Variants in ADGRV1 observed in about 807,000 individuals in gnomAD.
ADGRV1 encodes G-protein coupled receptor 98.
ADGRV1 carries 359 observed loss-of-function variants against 596.2 expected under a neutral mutation model. The observed-to-expected ratio is 0.60, with a 90% CI of 0.55 to 0.66. The LOEUF (loss-of-function observed/expected upper bound fraction) is 0.66. Among genes scored for constraint, ADGRV1 ranks in the 30% least tolerant of loss-of-function variants. ADGRV1 has a pLI of 0.00. For synonymous variants in ADGRV1, 2,681 were observed against 2,679.2 expected (o/e 1.00, Z -0.02); for missense variants, 7,274 against 7,575.6 (o/e 0.96, Z 1.48).
intron 34 of ADGRV1, among the ~76,000 whole-genome samples, chr5:90,702,944 G>T (rs1172731280): frequency 2.6e-5 from 4 of 151,934 alleles, no homozygotes; most frequent in African/African-American, 7.2e-5. Context: ...AAGTCATATG[G>T]CCATTAGCAC....
intron 4 of ADGRV1, among the ~76,000 whole-genome samples, chr5:90,621,866 C>T (rs1176234480): frequency 6.6e-6 from 1 of 152,100 alleles, no homozygotes; most frequent in Non-Finnish European, 1.5e-5. Flanking sequence ...TTACTGTGCC[C>T]TCAGTATATG....
intron 29 of ADGRV1, among the ~76,000 whole-genome samples, chr5:90,688,659 A>G (rs1746030572): frequency 1.3e-5 from 2 of 152,210 alleles, no homozygotes; most frequent in South Asian, 4.1e-4. Context: ...CTGAGCTTGT[A>G]GACTTTGCAA....
rs541049719 is a variant in ADGRV1, at chr5:91,064,402, G to T, written c.18153-8045G>T. Among the ~76,000 whole-genome samples, 4 of 152,254 alleles carry T rather than the reference G, an allele frequency of 2.6e-5. No homozygotes were observed. In the South Asian group the frequency reaches 6.2e-4, roughly 24 times the overall value. On this transcript the variant is annotated intron_variant, in intron 85 of 89. Transcript: ENST00000405460. Reference sequence around the variant, plus strand: ...CCCCATATATACATAACAATAATGGGTTCTAGTTATGTTTCAGTGGGATAA... The same window carrying T: ...CCCCATATATACATAACAATAATGGTTTCTAGTTATGTTTCAGTGGGATAA...
intron 86 of ADGRV1, among the ~76,000 whole-genome samples, chr5:91,095,012 A>G (rs918388894): frequency 6.6e-6 from 1 of 152,182 alleles, no homozygotes; most frequent in Non-Finnish European, 1.5e-5. Context: ...GACAGAGGCC[A>G]AAGGACCTAG....
At chr5:90,598,646 C>G (rs909408549) in intron 1 of ADGRV1, among the ~76,000 whole-genome samples, 2 of 152,140 alleles carry the variant, frequency 1.3e-5, no homozygotes, top group African/African-American at 4.8e-5. Flanking sequence ...GTACTGTAGT[C>G]TGGGAGACAC....
At chr5:90,612,663 A>G (rs1175587276) in intron 1 of ADGRV1, among the ~76,000 whole-genome samples, 3 of 152,244 alleles carry the variant, frequency 2.0e-5, no homozygotes, top group African/African-American at 7.2e-5. Flanking sequence ...CAGTGCTTAT[A>G]TAAGCATTTG....
chr5:90,962,433 C>A (rs1431946134), intron 83 of ADGRV1, among the ~76,000 whole-genome samples: 1 of 152,080 alleles, frequency 6.6e-6, no homozygotes, highest in Admixed American at 6.5e-5. Context: ...TGAAAATAAC[C>A]TTTTTTCTGG....
intron 88 of ADGRV1, 24 bp downstream of exon 88, chr5:91,150,245 C>T: frequency 2.8e-6 from 4 of 1,441,376 alleles, no homozygotes; most frequent in Non-Finnish European, 3.7e-6. Flanking sequence ...CCCTTTCATT[C>T]TCTGTCTCTC....
At chr5:90,903,264 T>G (rs1772017882) in intron 83 of ADGRV1, among the ~76,000 whole-genome samples, 1 of 152,048 alleles carries the variant, frequency 6.6e-6, no homozygotes, top group Non-Finnish European at 1.5e-5. Flanking sequence ...CTTCCGGTAT[T>G]CATTTGAAAG....
At chr5:90,919,630 C>T (rs1581511370) in intron 83 of ADGRV1, among the ~76,000 whole-genome samples, 1 of 152,130 alleles carries the variant, frequency 6.6e-6, no homozygotes, top group Non-Finnish European at 1.5e-5. Context: ...CTTTGAGTGT[C>T]GTTTCATTAA....
intron 86 of ADGRV1, among the ~76,000 whole-genome samples, chr5:91,084,676 C>T (rs1789706137): frequency 6.6e-6 from 1 of 152,180 alleles, no homozygotes; most frequent in Non-Finnish European, 1.5e-5. Context: ...TGTGGTGATT[C>T]CTCAAGGATC....
intron 86 of ADGRV1, among the ~76,000 whole-genome samples, chr5:91,086,136 TTTC>T (rs921090352): frequency 2.6e-5 from 4 of 152,206 alleles, no homozygotes; most frequent in African/African-American, 9.6e-5. Flanking sequence ...GTCATAGCCC[TTTC>T]TTCTTATGCC....
chr5:90,969,080 G>T (rs1489940130), intron 84 of ADGRV1, among the ~76,000 whole-genome samples: 1 of 147,226 alleles, frequency 6.8e-6, no homozygotes, highest in Admixed American at 6.8e-5. Context: ...ATATTTTAGA[G>T]TAGCTTAGGG....
intron 70 of ADGRV1, among the ~76,000 whole-genome samples, chr5:90,795,086 GTTTTT>G (rs35362542): frequency 7.5e-5 from 9 of 120,450 alleles, no homozygotes; most frequent in African/African-American, 2.4e-4. Flanking sequence ...AGCTGCAGAA[GTTTTT>G]TTTTTTTTTT....
At chr5:90,604,914 A>G (rs1048243149) in intron 1 of ADGRV1, among the ~76,000 whole-genome samples, 13 of 152,192 alleles carry the variant, frequency 8.5e-5, no homozygotes, top group African/African-American at 3.1e-4. Flanking sequence ...AGAAAGCACA[A>G]TTGAAACCCA....
chr5:90,775,936 A>G (rs1758178715), intron 60 of ADGRV1, among the ~76,000 whole-genome samples: 1 of 152,160 alleles, frequency 6.6e-6, no homozygotes, highest in South Asian at 2.1e-4. Context: ...AGTTTCTGCT[A>G]AGTTATATGG....
chr5:91,164,292 G>T lies in ADGRV1; in HGVS notation c.*392G>T, dbSNP rs563045744. 8.6e-4 allele frequency: 259 copies of T among 301,008 alleles called. 2 individuals carry two copies. Among genetic ancestry groups the T allele is most frequent in the Non-Finnish European group, 1.2e-3 (181 of 152,242 alleles). The allele number at this position is 301,008 out of a possible 1,614,324, so 18.6% of individuals were successfully genotyped here. ...AAAAAAGCTAACTCTATATGTAGAT[G>T]ATGACAAGCACCCTGTGCCATCTTG... On this transcript the variant is annotated 3_prime_UTR_variant, in exon 90 of 90. Coordinates refer to ENST00000405460, the MANE Select transcript of ADGRV1 (RefSeq NM_032119.4).
rs1402592781 is a variant in ADGRV1, at chr5:90,750,694, A to C, written c.11118A>C (p.Gly3706=). The C allele has an allele frequency of 9.9e-6, 16 of 1,610,650 alleles. No homozygotes were observed. Among genetic ancestry groups the C allele is most frequent in the Admixed American group, 3.3e-5 (2 of 59,944 alleles). The change falls in exon 53 of 90, where the codon GGA becomes GGC. Residue 3706 remains glycine (G), a synonymous_variant. Transcript: ENST00000405460. ...TTAGTGATATATTTCCTACCTCAGG[A>C]GTGGTATGTAATTTACAAAGTTATA... is the stretch of plus-strand genomic sequence containing the variant. ...GSISDIFPTS[G]VILFTEGQVL...
chr5:91,110,085 TA>T (rs1158261817), intron 87 of ADGRV1, among the ~76,000 whole-genome samples: 1 of 152,226 alleles, frequency 6.6e-6, no homozygotes, highest in African/African-American at 2.4e-5. Flanking sequence ...AAACTATGTT[TA>T]ATATTTTTTA....
Sources: gnomAD v4.1 joint callset for allele counts (sites outside exome capture counted in the v4.1 genomes callset) on GRCh38, gnomAD v4.1.1 for gene constraint, MANE v1.5 for transcripts, NCBI Gene and HGNC (gene_info 2026-07-23, HGNC 2026-07-21) for gene names.